Variants in ABTB3 observed in about 807,000 individuals in gnomAD.
The protein encoded by ABTB3 is ankyrin repeat- and BTB/POZ domain-containing protein 3.
At chr12:107,589,804 A>G in the ABTB3 span, among the ~76,000 whole-genome samples, 1 of 152,250 alleles carries the variant, frequency 6.6e-6, no homozygotes, top group Non-Finnish European at 1.5e-5. Context: ...GGCTTGGCAC[A>G]TAGTTGGGGC....
At chr12:107,646,904 C>T in the ABTB3 span, among the ~76,000 whole-genome samples, 20 of 152,004 alleles carry the variant, frequency 1.3e-4, no homozygotes, top group African/African-American at 4.4e-4. Flanking sequence ...CCAGAAGGAG[C>T]GGGCGGAGCT....
the ABTB3 span, among the ~76,000 whole-genome samples, chr12:107,411,129 G>A: frequency 3.9e-5 from 6 of 152,124 alleles, no homozygotes; most frequent in South Asian, 1.0e-3. Context: ...GCAAAACCCC[G>A]TCTCTACTAA....
chr12:107,637,752 G>A, the ABTB3 span, among the ~76,000 whole-genome samples: 3 of 151,592 alleles, frequency 2.0e-5, no homozygotes, highest in Non-Finnish European at 1.5e-5. Flanking sequence ...AATAGGGAGT[G>A]GTGGGGACTG....
chr12:107,323,633 C>G, the ABTB3 span, among the ~76,000 whole-genome samples: 1 of 152,146 alleles, frequency 6.6e-6, no homozygotes, highest in African/African-American at 2.4e-5. Context: ...GGCAGAAGTA[C>G]TTCACTGTGC....
chr12:107,339,309 C>T, the ABTB3 span, among the ~76,000 whole-genome samples: 3 of 152,106 alleles, frequency 2.0e-5, no homozygotes, highest in Non-Finnish European at 4.4e-5. Context: ...CAATCTGTTC[C>T]GCACCCACCC....
the ABTB3 span, among the ~76,000 whole-genome samples, chr12:107,410,032 T>C: frequency 6.6e-6 from 1 of 152,032 alleles, no homozygotes; most frequent in Non-Finnish European, 1.5e-5. Flanking sequence ...TGCATACCCA[T>C]GAAGCCCTGG....
the ABTB3 span, among the ~76,000 whole-genome samples, chr12:107,393,144 A>T: frequency 2.6e-5 from 4 of 152,180 alleles, no homozygotes; most frequent in African/African-American, 7.2e-5. Context: ...CGCTTCCTTG[A>T]GGGGCCTTGG....
chr12:107,597,312 C>G, the ABTB3 span, among the ~76,000 whole-genome samples: 1 of 152,128 alleles, frequency 6.6e-6, no homozygotes, highest in Non-Finnish European at 1.5e-5. Context: ...GTTGCTATAA[C>G]AAAATACCAC....
At chr12:107,551,014 C>G in the ABTB3 span, among the ~76,000 whole-genome samples, 1 of 152,194 alleles carries the variant, frequency 6.6e-6, no homozygotes, top group Non-Finnish European at 1.5e-5. Context: ...AACAAAAATA[C>G]CACCCCAATG....
chr12:107,615,253 A>C, the ABTB3 span: 1 of 976,528 alleles, frequency 1.0e-6, no homozygotes, highest in Non-Finnish European at 1.6e-6. Context: ...CATATTCTCT[A>C]AGACATTCAT....
chr12:107,440,422 C>A, the ABTB3 span, among the ~76,000 whole-genome samples: 3 of 152,244 alleles, frequency 2.0e-5, no homozygotes, highest in African/African-American at 7.2e-5. Context: ...TGACCCTTCT[C>A]GTCCTTCCTG....
chr12:107,340,485 C>G, the ABTB3 span, among the ~76,000 whole-genome samples: 1 of 152,138 alleles, frequency 6.6e-6, no homozygotes, highest in African/African-American at 2.4e-5. Flanking sequence ...CATCTCTTCC[C>G]CCTTCCCTGT....
At chr12:107,573,065 C>T in the ABTB3 span, among the ~76,000 whole-genome samples, 11 of 152,312 alleles carry the variant, frequency 7.2e-5, no homozygotes, top group African/African-American at 2.4e-4. Context: ...CTGACCTTCA[C>T]GCTGCAAAAG....
chr12:107,439,900 A>C, the ABTB3 span, among the ~76,000 whole-genome samples: 2 of 152,188 alleles, frequency 1.3e-5, no homozygotes, highest in Non-Finnish European at 1.5e-5. Context: ...TGAGCTTTTT[A>C]AATGTCAACC....
chr12:107,657,598 G>A, the ABTB3 span: 3 of 1,614,076 alleles, frequency 1.9e-6, no homozygotes, highest in African/African-American at 4.0e-5. Flanking sequence ...CATTCAAGCA[G>A]CTCCTGTATG....
At chr12:107,642,691 AGCTC>A in the ABTB3 span, among the ~76,000 whole-genome samples, 1 of 152,152 alleles carries the variant, frequency 6.6e-6, no homozygotes, top group Non-Finnish European at 1.5e-5. Flanking sequence ...ACTTTGGTTG[AGCTC>A]AGCGTCATCA....
the ABTB3 span, among the ~76,000 whole-genome samples, chr12:107,417,363 C>T: frequency 3.3e-5 from 5 of 152,208 alleles, no homozygotes; most frequent in East Asian, 1.9e-4. Flanking sequence ...GCTTGACTTA[C>T]GGCCTCATCA....
chr12:107,585,392 T>C, the ABTB3 span, among the ~76,000 whole-genome samples: 6 of 152,146 alleles, frequency 3.9e-5, no homozygotes, highest in African/African-American at 1.4e-4. Flanking sequence ...GCCTGAGTCA[T>C]TACATTCTTG....
At chr12:107,630,600 T>C in the ABTB3 span, among the ~76,000 whole-genome samples, 2 of 151,618 alleles carry the variant, frequency 1.3e-5, no homozygotes, top group African/African-American at 4.8e-5. Flanking sequence ...TACACCACCA[T>C]GCCCAATTAA....
Sources: allele counts gnomAD v4.1 joint callset (sites outside exome capture counted in the v4.1 genomes callset), GRCh38; gene constraint gnomAD v4.1.1; transcripts MANE v1.5; gene names NCBI Gene and HGNC (gene_info 2026-07-23, HGNC 2026-07-21).